ARHGAP15: variants seen among roughly 807,000 people sequenced by gnomAD.
The protein encoded by ARHGAP15 is rho GTPase-activating protein 15.
A neutral mutation model predicts 63.7 loss-of-function variants in ARHGAP15; 51 were observed. The observed-to-expected ratio is 0.80, with a 90% confidence interval of 0.64 to 1.01. The LOEUF (loss-of-function observed/expected upper bound fraction) is 1.01. ARHGAP15 is among the 50% of genes least tolerant of loss of function. The probability of loss-of-function intolerance (pLI) is 0.00; values close to 1 mark genes in which losing one functional copy is unlikely to be tolerated. For missense variants in ARHGAP15, 560 were observed against 564.6 expected (o/e 0.99, Z 0.08); for synonymous variants, 191 against 193.8 (o/e 0.99, Z 0.12).
At chr2:143,157,890 T>C (rs1690142837) in intron 2 of ARHGAP15, among the ~76,000 whole-genome samples, 1 of 151,510 alleles carries the variant, frequency 6.6e-6, no homozygotes, top group South Asian at 2.1e-4. Flanking sequence ...AATTTAGAGG[T>C]GGGAAGAGAT....
At chr2:143,748,393 A>T (rs1214655106) in intron 13 of ARHGAP15, among the ~76,000 whole-genome samples, 1 of 152,150 alleles carries the variant, frequency 6.6e-6, no homozygotes, top group African/African-American at 2.4e-5. Flanking sequence ...TCACTCTAAT[A>T]TAGGGGGAAA....
intron 10 of ARHGAP15, among the ~76,000 whole-genome samples, chr2:143,529,563 G>A (rs1036633757): frequency 1.3e-5 from 2 of 152,114 alleles, no homozygotes; most frequent in Admixed American, 1.3e-4. Flanking sequence ...CCATAAAAAA[G>A]GATAAGCATA....
intron 1 of ARHGAP15, among the ~76,000 whole-genome samples, chr2:143,146,025 A>G (rs1371208211): frequency 6.6e-6 from 1 of 151,848 alleles, no homozygotes; most frequent in Non-Finnish European, 1.5e-5. Flanking sequence ...AATCATGGGA[A>G]TAGTCTTTGT....
At chr2:143,369,063 CAAT>C (rs1277676762) in intron 6 of ARHGAP15, among the ~76,000 whole-genome samples, 1 of 151,942 alleles carries the variant, frequency 6.6e-6, no homozygotes, top group African/African-American at 2.4e-5. Flanking sequence ...GCCCAAAAAA[CAAT>C]AAAAAATATT....
intron 2 of ARHGAP15, among the ~76,000 whole-genome samples, chr2:143,196,821 A>G (rs1411126014): frequency 6.6e-6 from 1 of 151,962 alleles, no homozygotes; most frequent in Non-Finnish European, 1.5e-5. Context: ...TGGAAACAAA[A>G]TAAAAGAGAC....
At chr2:143,318,513 T>TTTTC (rs1683835525) in intron 6 of ARHGAP15, among the ~76,000 whole-genome samples, 2 of 102,682 alleles carry the variant, frequency 1.9e-5, no homozygotes, top group African/African-American at 1.1e-4. Context: ...AAGGGCCTTT[T>TTTTC]TTTTTTTTTT....
chr2:143,761,119 T>C (rs1305218019), intron 13 of ARHGAP15, among the ~76,000 whole-genome samples: 1 of 152,124 alleles, frequency 6.6e-6, no homozygotes, highest in Non-Finnish European at 1.5e-5. Flanking sequence ...TTTGTGCAAA[T>C]TGAGGGTAGG....
chr2:143,756,401 C>T (rs1330743175), intron 13 of ARHGAP15, among the ~76,000 whole-genome samples: 1 of 152,044 alleles, frequency 6.6e-6, no homozygotes. Flanking sequence ...CTATATTGGA[C>T]TAATTCAGGT....
chr2:143,410,568 G>T (rs1688398962), intron 6 of ARHGAP15, among the ~76,000 whole-genome samples: 2 of 152,306 alleles, frequency 1.3e-5, no homozygotes, highest in African/African-American at 4.8e-5. Context: ...ATACATATGT[G>T]TCGAGCATTA....
chr2:143,597,058 T>C (rs1308269528), intron 11 of ARHGAP15, among the ~76,000 whole-genome samples: 1 of 152,048 alleles, frequency 6.6e-6, no homozygotes, highest in Non-Finnish European at 1.5e-5. Context: ...TCTCACTAAT[T>C]TAAACAGGCC....
At chr2:143,526,869 A>G (rs1199553645) in intron 10 of ARHGAP15, among the ~76,000 whole-genome samples, 1 of 152,180 alleles carries the variant, frequency 6.6e-6, no homozygotes, top group Admixed American at 6.5e-5. Context: ...GTCCCATAAT[A>G]TGAACTGATT....
At chr2:143,701,270 A>G (rs918306681) in intron 12 of ARHGAP15, among the ~76,000 whole-genome samples, 4 of 152,146 alleles carry the variant, frequency 2.6e-5, no homozygotes, top group African/African-American at 9.7e-5. Flanking sequence ...ATATTAAAGA[A>G]CCTGCCAGTT....
chr2:143,295,689 T>C (rs1286340611), intron 6 of ARHGAP15: 1 of 152,062 alleles, frequency 6.6e-6, no homozygotes, highest in Admixed American at 6.6e-5. Context: ...GCAGCCGGTC[T>C]GTAATAACAA....
rs1021908596 is a variant in ARHGAP15, at chr2:143,382,307, A to T, written c.475-53294A>T. On this transcript the variant is annotated intron_variant, in intron 6 of 13. Transcript: ENST00000295095. ...AGACATCTGAAATCAAGGTGTCTTC[A>T]GGGCACGCTCCCACTGAAACCTGGA... is the stretch of plus-strand genomic sequence containing the variant. 1.3e-4 allele frequency among the ~76,000 whole-genome samples: 20 copies of T among 152,250 alleles called. 1 individual carries two copies. Among genetic ancestry groups the T allele is most frequent in the Admixed American group, 9.2e-4 (14 of 15,276 alleles).
chr2:143,510,504 CCTT>C (rs1214359400), intron 9 of ARHGAP15, among the ~76,000 whole-genome samples: 2 of 152,148 alleles, frequency 1.3e-5, no homozygotes, highest in Non-Finnish European at 2.9e-5. Context: ...CGCTTTTTCT[CCTT>C]CTTCCAATTT....
At chr2:143,318,106 C>A (rs1009442303) in intron 6 of ARHGAP15, among the ~76,000 whole-genome samples, 2 of 151,900 alleles carry the variant, frequency 1.3e-5, no homozygotes, top group African/African-American at 4.8e-5. Flanking sequence ...TCAAGCAATT[C>A]TCTTGCCCCA....
chr2:143,422,009 T>A (rs1046507423), intron 6 of ARHGAP15, among the ~76,000 whole-genome samples: 4 of 152,084 alleles, frequency 2.6e-5, no homozygotes, highest in South Asian at 4.1e-4. Context: ...TCCAGGACAG[T>A]GGCTTCTTTA....
At chr2:143,510,140 C>A (rs1693516914) in intron 9 of ARHGAP15, among the ~76,000 whole-genome samples, 1 of 146,336 alleles carries the variant, frequency 6.8e-6, no homozygotes, top group Non-Finnish European at 1.5e-5. Flanking sequence ...AGTTTAAAAT[C>A]AAAAGATGGA....
chr2:143,248,600 GTGAT>G (rs902821849), intron 5 of ARHGAP15, among the ~76,000 whole-genome samples: 1 of 152,106 alleles, frequency 6.6e-6, no homozygotes, highest in Non-Finnish European at 1.5e-5. Flanking sequence ...CTACAACTTA[GTGAT>G]GATAATACCT....
Sources: gnomAD v4.1 joint callset for allele counts (sites outside exome capture counted in the v4.1 genomes callset) on GRCh38, gnomAD v4.1.1 for gene constraint, MANE v1.5 for transcripts, NCBI Gene and HGNC (gene_info 2026-07-23, HGNC 2026-07-21) for gene names.